Variants in FSHR observed in about 807,000 individuals in gnomAD.
FSHR encodes follicle stimulating hormone receptor, also known as follicle-stimulating hormone receptor.
FSHR carries 46 observed loss-of-function variants against 52.1 expected under a neutral mutation model. That is an observed-to-expected ratio of 0.88 (90% CI 0.70 to 1.13). The LOEUF is 1.13. FSHR is among the 50% of genes most tolerant of loss of function. The pLI is 0.00. For synonymous variants in FSHR, 399 were observed against 309.6 expected (o/e 1.29, Z -3.03); for missense variants, 964 against 834.6 (o/e 1.16, Z -1.91).
At chr2:49,123,109 C>T (rs538801805) in intron 1 of FSHR, among the ~76,000 whole-genome samples, 1 of 152,248 alleles carries the variant, frequency 6.6e-6, no homozygotes, top group African/African-American at 2.4e-5. Context: ...GACTTATATA[C>T]CTGAGTCATA....
chr2:49,126,070 C>T lies in FSHR; in HGVS notation c.152+28196G>A, dbSNP rs150337865. ...ACTACCCATGTGGGATTCCTAGAAT[C>T]ACAAATGACAAAGCAGTAAAGGATC... On this transcript the variant is annotated intron_variant, in intron 1 of 9. Transcript: ENST00000406846. Among the ~76,000 whole-genome samples, 257 of 152,310 alleles carry T rather than the reference C, an allele frequency of 1.7e-3. 1 individual carries two copies. Among genetic ancestry groups the T allele is most frequent in the Middle Eastern group, 6.8e-3 (2 of 294 alleles).
At chr2:49,090,133 G>A (rs1010770205) in intron 1 of FSHR, among the ~76,000 whole-genome samples, 26 of 102,650 alleles carry the variant, frequency 2.5e-4, no homozygotes, top group African/African-American at 1.1e-3. Flanking sequence ...GAGTGTGTGT[G>A]TGTGTGTGTG....
chr2:49,059,415 GA>G (rs111343726), intron 2 of FSHR, among the ~76,000 whole-genome samples: 39 of 146,764 alleles, frequency 2.7e-4, no homozygotes, highest in Middle Eastern at 7.0e-3. Flanking sequence ...GGTACTGGGG[GA>G]AAAAAAAAAC....
intron 6 of FSHR, among the ~76,000 whole-genome samples, chr2:48,986,954 A>G (rs150313016): frequency 1.6e-4 from 25 of 152,358 alleles, no homozygotes; most frequent in African/African-American, 5.8e-4. Flanking sequence ...TCTATAAAAA[A>G]ATTGAATAAG....
chr2:49,121,380 G>T (rs1671812550), intron 1 of FSHR, among the ~76,000 whole-genome samples: 1 of 152,090 alleles, frequency 6.6e-6, no homozygotes, highest in Non-Finnish European at 1.5e-5. Context: ...AAAGTGTTTT[G>T]TAAACTGTAA....
intron 1 of FSHR, among the ~76,000 whole-genome samples, chr2:49,134,910 T>G (rs1672430149): frequency 6.6e-6 from 1 of 151,884 alleles, no homozygotes; most frequent in African/African-American, 2.4e-5. Flanking sequence ...CTCTGGGGAC[T>G]GTTGTGGGGT....
intron 8 of FSHR, among the ~76,000 whole-genome samples, chr2:48,972,057 A>G (rs891711433): frequency 3.3e-5 from 5 of 152,208 alleles, no homozygotes; most frequent in Admixed American, 6.5e-5. Flanking sequence ...CCCCAGAGTC[A>G]TATTCAATTG....
intron 2 of FSHR, among the ~76,000 whole-genome samples, chr2:49,020,756 G>A (rs1442925498): frequency 6.6e-6 from 1 of 152,156 alleles, no homozygotes; most frequent in Non-Finnish European, 1.5e-5. Context: ...CTGCTAATCT[G>A]GCTTTGAGAG....
At position 49,154,494 on chromosome 2, in the gene FSHR, G is replaced by C. The variant is rs538437600; in HGVS notation, c.-77C>G. 2.0e-6 allele frequency: 3 copies of C among 1,468,238 alleles called. No individual in the cohort carries two copies. Among genetic ancestry groups the C allele is most frequent in the East Asian group, 4.6e-5 (2 of 43,676 alleles). The allele number at this position is 1,468,238 out of a possible 1,614,324, so 91.0% of individuals were successfully genotyped here. ...CCACAGATCTCAGAAGCTCCACACA[G>C]TGCCCTTATGAGAAGAGATCTGACT... On this transcript the variant is annotated 5_prime_UTR_variant, in exon 1 of 10. Coordinates refer to ENST00000406846, the MANE Select transcript of FSHR (RefSeq NM_000145.4).
intron 2 of FSHR, among the ~76,000 whole-genome samples, chr2:49,021,576 G>A (rs1399066783): frequency 2.0e-5 from 3 of 151,698 alleles, no homozygotes; most frequent in South Asian, 2.1e-4. Flanking sequence ...CCTGGGGGAG[G>A]GGAAGTGTGA....
At chr2:49,079,917 G>A (rs1670103398) in intron 1 of FSHR, among the ~76,000 whole-genome samples, 2 of 152,064 alleles carry the variant, frequency 1.3e-5, no homozygotes, top group Admixed American at 1.3e-4. Flanking sequence ...AAACTGAACT[G>A]TAGTTTATGT....
At chr2:49,059,415 G>A (rs1314200608) in intron 2 of FSHR, among the ~76,000 whole-genome samples, 6 of 146,692 alleles carry the variant, frequency 4.1e-5, no homozygotes, top group African/African-American at 1.2e-4. Context: ...GGTACTGGGG[G>A]AAAAAAAAAA....
chr2:49,132,594 A>G (rs12614875), intron 1 of FSHR, among the ~76,000 whole-genome samples: 22,951 of 152,176 alleles, frequency 0.15, 1,752 homozygotes, highest in Middle Eastern at 0.25. Context: ...CTAATAATGC[A>G]CATGGGACAC....
chr2:49,103,779 C>G (rs1035332873), intron 1 of FSHR, among the ~76,000 whole-genome samples: 60 of 152,128 alleles, frequency 3.9e-4, no homozygotes, highest in Non-Finnish European at 1.9e-4. Context: ...TCATGATGTT[C>G]AGGGATAAGA....
chr2:49,110,661 T>C (rs1183266323), intron 1 of FSHR, among the ~76,000 whole-genome samples: 1 of 152,136 alleles, frequency 6.6e-6, no homozygotes, highest in African/African-American at 2.4e-5. Context: ...GTAGGTGCCT[T>C]ATAAATGCCT....
intron 1 of FSHR, among the ~76,000 whole-genome samples, chr2:49,128,045 C>A (rs1325322125): frequency 6.6e-6 from 1 of 151,336 alleles, no homozygotes; most frequent in Non-Finnish European, 1.5e-5. Context: ...TGATACCTGG[C>A]TAATTTTTCT....
intron 2 of FSHR, among the ~76,000 whole-genome samples, chr2:49,047,005 C>CTTGAGACAAAT (rs70946846): frequency 0.31 from 47,305 of 151,946 alleles, 8,429 homozygotes; most frequent in Non-Finnish European, 0.4. Context: ...CATCAGCCTG[C>CTTGAGACAAAT]ACTTGTCTCA....
chr2:48,972,666 A>G (rs1287260137), intron 8 of FSHR, among the ~76,000 whole-genome samples: 2 of 152,102 alleles, frequency 1.3e-5, no homozygotes, highest in African/African-American at 4.8e-5. Flanking sequence ...AAAGGTTGAG[A>G]CCCAACTCCC....
chr2:49,121,337 AT>A (rs1201855445), intron 1 of FSHR, among the ~76,000 whole-genome samples: 3 of 152,122 alleles, frequency 2.0e-5, no homozygotes, highest in Non-Finnish European at 4.4e-5. Context: ...AATAACCTCT[AT>A]TTTCCTTTGT....
Sources: gnomAD v4.1 joint callset for allele counts (sites outside exome capture counted in the v4.1 genomes callset) on GRCh38, gnomAD v4.1.1 for gene constraint, MANE v1.5 for transcripts, NCBI Gene and HGNC (gene_info 2026-07-23, HGNC 2026-07-21) for gene names.